Variants in CRYBA4 observed in about 807,000 individuals in gnomAD.
The protein encoded by CRYBA4 is crystallin beta A4, also known as beta-crystallin A4.
In CRYBA4, 30 loss-of-function variants were observed where a neutral mutation model predicts 31.7. The ratio of observed to expected loss-of-function variants is 0.95; its 90% CI spans 0.71 to 1.28. The LOEUF (loss-of-function observed/expected upper bound fraction) is 1.28. Ranked by LOEUF, CRYBA4 falls within the 50% of genes most tolerant of loss-of-function variation. CRYBA4 has a pLI of 0.00. For synonymous variants in CRYBA4, 102 were observed against 102.3 expected (o/e 1.00, Z 0.02); for missense variants, 225 against 260.7 (o/e 0.86, Z 0.94).
chr22:26,609,089 C>A, the CRYBA4 span, among the ~76,000 whole-genome samples: 1 of 152,094 alleles, frequency 6.6e-6, no homozygotes, highest in African/African-American at 2.4e-5. Flanking sequence ...CCTTTGCTCC[C>A]CGTGTGTTCA....
At chr22:26,593,759 C>CA in the CRYBA4 span, among the ~76,000 whole-genome samples, 2 of 152,184 alleles carry the variant, frequency 1.3e-5, no homozygotes, top group Admixed American at 1.3e-4. Flanking sequence ...CTCCTGACCT[C>CA]AAGTGATCCA....
chr22:26,625,381 T>C, intron 3 of CRYBA4, 100 bp from the exon 4 acceptor site: 1 of 1,373,162 alleles, frequency 7.3e-7, no homozygotes, highest in South Asian at 1.2e-5. Flanking sequence ...CAGTCACCCC[T>C]GAATGGTTGT....
chr22:26,616,159 A>C, the CRYBA4 span: 2 of 1,614,168 alleles, frequency 1.2e-6, no homozygotes, highest in East Asian at 4.5e-5. Context: ...CCCAGGAGGC[A>C]GTTCCGCCGC....
the CRYBA4 span, among the ~76,000 whole-genome samples, chr22:26,602,892 G>C: frequency 6.6e-6 from 1 of 152,056 alleles, no homozygotes; most frequent in Non-Finnish European, 1.5e-5. Flanking sequence ...GGGAGGCCGA[G>C]GCGGGCAGAT....
the CRYBA4 span, among the ~76,000 whole-genome samples, chr22:26,603,143 AAC>A: frequency 4.6e-5 from 7 of 151,636 alleles, no homozygotes; most frequent in African/African-American, 4.8e-5. Flanking sequence ...AAAAAAAAAA[AAC>A]AAAAAACAAA....
upstream of CRYBA4, among the ~76,000 whole-genome samples, chr22:26,618,390 T>C (rs1929429358): frequency 6.6e-6 from 1 of 152,212 alleles, no homozygotes; most frequent in Admixed American, 6.5e-5. Context: ...GCGCGCTGTG[T>C]GGCTTTTGGT....
chr22:26,624,016 T>C (rs1011898036), intron 3 of CRYBA4, among the ~76,000 whole-genome samples: 22 of 152,232 alleles, frequency 1.4e-4, no homozygotes, highest in African/African-American at 4.1e-4. Flanking sequence ...TTAATCTTAA[T>C]TTATTTAAGT....
chr22:26,597,741 G>A, the CRYBA4 span, among the ~76,000 whole-genome samples: 1 of 152,150 alleles, frequency 6.6e-6, no homozygotes, highest in Non-Finnish European at 1.5e-5. Context: ...GATTCCTGAT[G>A]TACCCCAGCT....
At chr22:26,613,973 G>A in the CRYBA4 span, among the ~76,000 whole-genome samples, 5 of 152,278 alleles carry the variant, frequency 3.3e-5, no homozygotes, top group African/African-American at 7.2e-5. Context: ...TATGGTCGAC[G>A]CTGCAGAGAT....
At chr22:26,608,269 GT>G in the CRYBA4 span, among the ~76,000 whole-genome samples, 1 of 152,194 alleles carries the variant, frequency 6.6e-6, no homozygotes, top group Non-Finnish European at 1.5e-5. Flanking sequence ...TTTCCTTGGA[GT>G]TGGTGAAGGA....
the CRYBA4 span, among the ~76,000 whole-genome samples, chr22:26,610,386 C>G: frequency 6.6e-6 from 1 of 152,286 alleles, no homozygotes; most frequent in African/African-American, 2.4e-5. Flanking sequence ...CAGACCCAGG[C>G]CCCCGGACCA....
At chr22:26,612,839 G>A in the CRYBA4 span, among the ~76,000 whole-genome samples, 20 of 152,062 alleles carry the variant, frequency 1.3e-4, no homozygotes, top group African/African-American at 4.6e-4. Flanking sequence ...TCTGTTTTAG[G>A]CTCAGGTGCC....
chr22:26,606,010 G>A, the CRYBA4 span, among the ~76,000 whole-genome samples: 116 of 152,322 alleles, frequency 7.6e-4, no homozygotes, highest in Non-Finnish European at 1.2e-3. Flanking sequence ...AACATTATGA[G>A]ATTTTTTTTG....
upstream of CRYBA4, among the ~76,000 whole-genome samples, chr22:26,617,300 T>C (rs547656516): frequency 2.6e-5 from 4 of 152,304 alleles, no homozygotes; most frequent in African/African-American, 9.6e-5. Context: ...AATAATGCTC[T>C]CTTTAACTTT....
In CRYBA4 at chr22:26,630,424, C is replaced by G; in HGVS notation, c.528C>G (p.Phe176Leu). 1 of 1,614,176 alleles carries G rather than the reference C, an allele frequency of 6.2e-7. No homozygotes were observed. The highest frequency in any genetic ancestry group is 2.2e-5 in the East Asian group (1 of 44,888). Residue 176 changes from phenylalanine to leucine, a missense_variant, in exon 6 of 6, where the codon TTC (phenylalanine) becomes TTG (leucine). Phe to Leu is a conservative substitution (Grantham distance 22). Coordinates refer to ENST00000354760, the MANE Select transcript of CRYBA4 (RefSeq NM_001886.3). ...CDHHSGDYKH[F>L]REWGSHAPTF... The stretch of plus-strand genomic sequence containing the variant: ...ACCATTCCGGTGACTACAAACATTT[C>G]CGGGAGTGGGGCTCTCATGCCCCGA...
At chr22:26,608,701 G>A in the CRYBA4 span, among the ~76,000 whole-genome samples, 1 of 152,026 alleles carries the variant, frequency 6.6e-6, no homozygotes, top group Non-Finnish European at 1.5e-5. Flanking sequence ...TTAAATGAAC[G>A]ACAGTCTCGG....
chr22:26,599,472 G>T, the CRYBA4 span: 1 of 1,599,598 alleles, frequency 6.3e-7, no homozygotes, highest in Non-Finnish European at 8.6e-7. Context: ...GGGCAAGGTA[G>T]CAGAGTGAGG....
At chr22:26,608,112 G>A in the CRYBA4 span, 1 of 1,603,148 alleles carries the variant, frequency 6.2e-7, no homozygotes, top group Non-Finnish European at 8.5e-7. Context: ...CCCCTGGCAA[G>A]GCAGCCCTGA....
chr22:26,616,015 A>AAAGGAGGAGAAAGAGGT, the CRYBA4 span: 1 of 790,410 alleles, frequency 1.3e-6, no homozygotes, highest in Non-Finnish European at 2.2e-6. Flanking sequence ...AAGCCAAGAA[A>AAAGGAGGAGAAAGAGGT]AAGGAGGAGA....
Sources: gnomAD v4.1 joint callset for allele counts (sites outside exome capture counted in the v4.1 genomes callset) on GRCh38, gnomAD v4.1.1 for gene constraint, MANE v1.5 for transcripts, NCBI Gene and HGNC (gene_info 2026-07-23, HGNC 2026-07-21) for gene names.